E2F2: variants seen among roughly 807,000 people sequenced by gnomAD.
E2F2 encodes E2F transcription factor 2, also known as transcription factor E2F2.
In E2F2, 22 loss-of-function variants were observed where a neutral mutation model predicts 42.2. That is an observed-to-expected ratio of 0.52 (90% confidence interval 0.37 to 0.74). The LOEUF is 0.74. Among genes scored for constraint, E2F2 ranks in the 30% least tolerant of loss-of-function variants. The probability of loss-of-function intolerance (pLI) is 0.00; values close to 1 mark genes in which losing one functional copy is unlikely to be tolerated. For missense variants in E2F2, 481 were observed against 557.8 expected (o/e 0.86, Z 1.39); for synonymous variants, 248 against 251.6 (o/e 0.99, Z 0.13).
At chr1:23,521,221 A>C in intron 3 of E2F2, 150 bp from the exon 4 acceptor site, 1 of 968,696 alleles carries the variant, frequency 1.0e-6, no homozygotes, top group Non-Finnish European at 1.4e-6. Flanking sequence ...TTGGAACCAG[A>C]GGTTTGGGGG....
chr1:23,509,593 A>T lies in E2F2; in HGVS notation c.*287T>A. ...GCAGGGCCTTTCCCTGGACTTGGCC[A>T]CCTCACCTGCAGCCTTCTTGTGAGA... On this transcript the variant is annotated 3_prime_UTR_variant, in exon 7 of 7. Coordinates refer to ENST00000361729, the MANE Select transcript of E2F2 (RefSeq NM_004091.4). 1 of 374,468 alleles carries T rather than the reference A, an allele frequency of 2.7e-6. No homozygotes were observed. Among genetic ancestry groups the T allele is most frequent in the Non-Finnish European group, 4.4e-6 (1 of 227,122 alleles). 23.2% of individuals were successfully genotyped at this position (374,468 alleles called of 1,614,324 possible).
intron 4 of E2F2, among the ~76,000 whole-genome samples, chr1:23,520,237 C>G (rs1213926096): frequency 2.9e-5 from 3 of 104,242 alleles, no homozygotes; most frequent in Admixed American, 2.6e-4. Flanking sequence ...GAGTGAGACT[C>G]TGTCTCAAAA....
chr1:23,516,501 G>A lies in E2F2; in HGVS notation c.879C>T (p.Ser293=), dbSNP rs751075471. The change falls in exon 6 of 7, where the codon AGC becomes AGT. Residue 293 remains serine (S), a synonymous_variant. Coordinates refer to ENST00000361729, the MANE Select transcript of E2F2 (RefSeq NM_004091.4). The part of the protein sequence containing the change: ...TEDNLQIYLK[S]TQGPIEVYLC... Reference sequence around the variant, plus strand: ...GGTAGACTTCGATGGGCCCTTGGGTGCTCTTGAGATATATCTGCAGGTTGT... The same window carrying A: ...GGTAGACTTCGATGGGCCCTTGGGTACTCTTGAGATATATCTGCAGGTTGT... 6.2e-7 allele frequency: 1 copy of A among 1,608,104 alleles called. No homozygotes were observed. Among genetic ancestry groups the A allele is most frequent in the East Asian group, 2.3e-5 (1 of 44,282 alleles).
intron 5 of E2F2, among the ~76,000 whole-genome samples, chr1:23,517,663 G>C (rs1643050703): frequency 6.6e-6 from 1 of 152,206 alleles, no homozygotes; most frequent in Non-Finnish European, 1.5e-5. Flanking sequence ...AATAGATGAA[G>C]CAGAATGCAA....
At chr1:23,513,563 TGTG>T (rs1402454148) in intron 6 of E2F2, among the ~76,000 whole-genome samples, 6 of 4,632 alleles carry the variant, frequency 1.3e-3, no homozygotes, top group African/African-American at 1.7e-3. Context: ...GCACGGAACA[TGTG>T]TGTGTGTGTG....
intron 4 of E2F2, among the ~76,000 whole-genome samples, chr1:23,519,912 T>C (rs1643102826): frequency 6.6e-6 from 1 of 151,954 alleles, no homozygotes; most frequent in Non-Finnish European, 1.5e-5. Flanking sequence ...ACCCCGTCTC[T>C]ACATAAAATA....
chr1:23,528,785 T>C (rs923408754), intron 1 of E2F2, among the ~76,000 whole-genome samples: 1 of 152,170 alleles, frequency 6.6e-6, no homozygotes, highest in Non-Finnish European at 1.5e-5. Context: ...CAGCTGTTAC[T>C]GAAACTTCCA....
chr1:23,522,477 T>C (rs997821834), intron 2 of E2F2, among the ~76,000 whole-genome samples: 1 of 152,230 alleles, frequency 6.6e-6, no homozygotes, highest in Non-Finnish European at 1.5e-5. Context: ...ACAGTTTAAG[T>C]AATTTGCTCA....
Position 23,530,905 on chromosome 1 carries a change from A to G in E2F2, c.-112T>C, listed in dbSNP as rs1043040122. On this transcript the variant is annotated 5_prime_UTR_variant, in exon 1 of 7. Coordinates refer to ENST00000361729, the MANE Select transcript of E2F2 (RefSeq NM_004091.4). The surrounding 1 kb of genome is among the most constrained non-coding windows in gnomAD (Gnocchi z 4.4). ...GCGGCATGGCGCGGAGGCCGGGGGA[A>G]GCCGCCAATGGACGCCTGCGGGGCA... 2 of 1,339,568 alleles carry G rather than the reference A, an allele frequency of 1.5e-6. No homozygotes were observed. Among genetic ancestry groups the G allele is most frequent in the Admixed American group, 6.2e-5 (2 of 32,464 alleles). The allele number at this position is 1,339,568 out of a possible 1,614,324, so 83.0% of individuals were successfully genotyped here.
intron 3 of E2F2, 158 bp downstream of exon 3, chr1:23,521,679 C>A (rs144625014): frequency 1.0e-6 from 1 of 985,458 alleles, no homozygotes; most frequent in African/African-American, 1.7e-5. Context: ...CAGCAATAAG[C>A]CTATTGGATG....
chr1:23,516,578 C>A (rs528924319), intron 5 of E2F2, 51 bp from the exon 6 acceptor site: 3 of 1,453,074 alleles, frequency 2.1e-6, no homozygotes, highest in Non-Finnish European at 2.8e-6. Flanking sequence ...TGGACACTTA[C>A]ACTTAGTGTG....
At chr1:23,525,839 A>G (rs1643241370) in intron 1 of E2F2, among the ~76,000 whole-genome samples, 2 of 151,452 alleles carry the variant, frequency 1.3e-5, no homozygotes, top group South Asian at 4.2e-4. Flanking sequence ...CCTCTTTCCA[A>G]CTCTGGATCC....
intron 6 of E2F2, among the ~76,000 whole-genome samples, chr1:23,515,746 C>T (rs930056477): frequency 2.0e-5 from 3 of 151,664 alleles, no homozygotes; most frequent in Admixed American, 2.0e-4. Context: ...CTGTTGCCCA[C>T]GCTGGAGTGC....
intron 5 of E2F2, 149 bp from the exon 6 acceptor site, chr1:23,516,676 T>G: frequency 3.4e-6 from 2 of 580,498 alleles, no homozygotes; most frequent in Non-Finnish European, 5.8e-6. Flanking sequence ...CTGGCCTAAC[T>G]AAGGTGGACT....
At chr1:23,517,267 TA>T (rs1348302270) in intron 5 of E2F2, among the ~76,000 whole-genome samples, 3 of 152,172 alleles carry the variant, frequency 2.0e-5, no homozygotes, top group Non-Finnish European at 4.4e-5. Context: ...GTCCCTTCCC[TA>T]CCACATAACC....
intron 6 of E2F2, among the ~76,000 whole-genome samples, chr1:23,511,710 C>G (rs1436929324): frequency 1.3e-5 from 2 of 152,264 alleles, no homozygotes; most frequent in Admixed American, 1.3e-4. Flanking sequence ...GGATGCTAGG[C>G]TGCCTGTTGA....
chr1:23,514,273 G>A (rs1208107010), intron 6 of E2F2, among the ~76,000 whole-genome samples: 3 of 152,232 alleles, frequency 2.0e-5, no homozygotes, highest in Non-Finnish European at 4.4e-5. Context: ...ACAGCAGGAG[G>A]AGGATGGACC....
In E2F2 at chr1:23,521,943, C is replaced by T. The variant is rs1234978800; in HGVS notation, c.472G>A (p.Ala158Thr). The T allele has an allele frequency of 1.5e-5, 25 of 1,614,088 alleles. No homozygotes were observed. Among genetic ancestry groups the T allele is most frequent in the Non-Finnish European group, 2.1e-5 (25 of 1,180,042 alleles). The change falls in exon 3 of 7, where the codon GCC becomes ACC. Residue 158 changes from alanine to threonine, a missense_variant. Transcript: ENST00000361729. ...SEDGVLDLNW[A>T]AEVLDVQKRR... The stretch of plus-strand genomic sequence containing the variant: ...TTCTGCACGTCCAGCACCTCAGCGG[C>T]CCAGTTCAGGTCCAGGACCCCATCC...
downstream of E2F2, among the ~76,000 whole-genome samples, chr1:23,506,204 G>GA (rs1642792711): frequency 6.6e-6 from 1 of 152,182 alleles, no homozygotes; most frequent in Admixed American, 6.5e-5. Context: ...ATAGATGGGG[G>GA]AGACAGAGTC....
Sources: gnomAD v4.1 joint callset for allele counts (sites outside exome capture counted in the v4.1 genomes callset) on GRCh38, gnomAD v4.1.1 for gene constraint, Gnocchi (gnomAD v3.1) non-coding constraint, MANE v1.5 for transcripts, NCBI Gene and HGNC (gene_info 2026-07-23, HGNC 2026-07-21) for gene names.